The following MYBPC3 variants were observed in gnomAD, a reference collection of about 807,000 sequenced individuals.
MYBPC3 encodes myosin binding protein C3, also known as myosin-binding protein C, cardiac-type.
Under a neutral mutation model 159.3 loss-of-function variants are expected in MYBPC3, and 108 were observed. The observed-to-expected ratio is 0.68, with a 90% CI of 0.58 to 0.80. MYBPC3 has a LOEUF of 0.80. Among genes scored for constraint, MYBPC3 ranks in the 30% least tolerant of loss-of-function variants. The probability of loss-of-function intolerance (pLI) is 0.00; values close to 1 mark genes in which losing one functional copy is unlikely to be tolerated. For synonymous variants in MYBPC3, 730 were observed against 702.0 expected, an observed-to-expected ratio of 1.04 and a Z score of -0.63; for missense variants, 1,631 against 1,762.1, an observed-to-expected ratio of 0.93 and a Z score of 1.33.
chr11:47,350,057 A>C lies in MYBPC3; in HGVS notation c.462T>G (p.Ile154Met). The change falls in exon 4 of 35, where the codon ATT (isoleucine) becomes ATG (methionine). Residue 154 changes from isoleucine to methionine, a missense_variant. Transcript: ENST00000545968. Reference sequence around the variant, plus strand: ...CCTGTGGCCGCATCACGAAGAGGCCAATGGGGTCATCGGGGGCTCCAGGGG... The same window carrying C: ...CCTGTGGCCGCATCACGAAGAGGCCCATGGGGTCATCGGGGGCTCCAGGGG... Reference protein sequence around the residue: ...GPTPGAPDDPIGLFVMRPQDG... With the variant: ...GPTPGAPDDPMGLFVMRPQDG... The C allele has an allele frequency of 6.4e-7, 1 of 1,563,916 alleles. No homozygotes were observed. The highest frequency in any genetic ancestry group is 1.2e-5 in the South Asian group (1 of 84,852).
In MYBPC3 at chr11:47,337,813, A is replaced by T. The variant is rs1315834514; in HGVS notation, c.2309-19T>A. ...GGCACGTCTGGATGGGGTGGGATGG[A>T]CCCACATCAGCCCTGCCCCGCTCAG... On this transcript the variant is annotated intron_variant, in intron 23 of 34. Transcript: ENST00000545968. 2.6e-6 allele frequency: 4 copies of T among 1,546,814 alleles called. No homozygotes were observed. The African/African-American group carries it at 5.5e-5, about 21-fold the overall frequency.
Position 47,347,499 on chromosome 11 carries a change from G to C in MYBPC3, c.852-20C>G, listed in dbSNP as rs371941585. 13 of 1,593,008 alleles carry C rather than the reference G, an allele frequency of 8.2e-6. No homozygotes were observed. The African/African-American group carries it at 1.5e-4, about 18-fold the overall frequency. On this transcript the variant is annotated intron_variant, in intron 8 of 34. Coordinates refer to ENST00000545968, the MANE Select transcript of MYBPC3 (RefSeq NM_000256.3). ...CTATCACTATGGAGAGGGACCCCCA[G>C]TGAGGCTGCAGTGAGGGACTGGAAA...
chr11:47,336,617 C>A lies in MYBPC3; in HGVS notation c.2603-606G>T, dbSNP rs558214570. On this transcript the variant is annotated intron_variant, in intron 25 of 34. Transcript: ENST00000545968. ...AGGAATCAGTCCCTAAAACGAGAGG[C>A]CTGGACCCTTCTCCCCACAGGCCCC... Among the ~76,000 whole-genome samples, 4 of 152,236 alleles carry A rather than the reference C, an allele frequency of 2.6e-5. No individual in the cohort carries two copies. In the South Asian group the frequency reaches 8.3e-4, roughly 32 times the overall value.
In MYBPC3 at chr11:47,343,600, G is replaced by A. The variant is rs2095891415; in HGVS notation, c.1115C>T (p.Ala372Val). 1 of 1,612,504 alleles carries A rather than the reference G, an allele frequency of 6.2e-7. No homozygotes were observed. The highest frequency in any genetic ancestry group is 8.5e-7 in the Non-Finnish European group (1 of 1,179,546). The change falls in exon 13 of 35, where the codon GCC (alanine) becomes GTC (valine). Residue 372 changes from alanine (A) to valine (V), a missense_variant. Ala to Val is a moderately conservative substitution (Grantham distance 64). Transcript: ENST00000545968. ...STAFQKKLEP[A>V]YQVSKGHKIR... ...CTTGTGGCCTTTGCTCACCTGGTAG[G>A]CCGGCTCCAGCTTCTTCTGAAAGGC... is the stretch of plus-strand genomic sequence containing the variant.
chr11:47,340,574 G>A (rs1455136087), intron 20 of MYBPC3, among the ~76,000 whole-genome samples: 1 of 152,222 alleles, frequency 6.6e-6, no homozygotes, highest in Non-Finnish European at 1.5e-5. Flanking sequence ...GGCTGAGGCA[G>A]GAGAGTGGTG....
At chr11:47,339,195 C>T (rs2095885692) in intron 22 of MYBPC3, 129 bp downstream of exon 22, 3 of 992,800 alleles carry the variant, frequency 3.0e-6, no homozygotes, top group South Asian at 2.6e-5. Flanking sequence ...CACAGGGACC[C>T]TGCTGGGGGC....
Position 47,346,245 on chromosome 11 carries a change from C to T in MYBPC3, c.1052G>A (p.Arg351Lys). 1 of 1,613,926 alleles carries T rather than the reference C, an allele frequency of 6.2e-7. No individual in the cohort carries two copies. The highest frequency in any genetic ancestry group is 8.5e-7 in the Non-Finnish European group (1 of 1,179,848). The change falls in exon 12 of 35, where the codon AGG becomes AAG. Residue 351 changes from arginine to lysine, a missense_variant. Arg to Lys is a conservative substitution (Grantham distance 26). Coordinates refer to ENST00000545968, the MANE Select transcript of MYBPC3 (RefSeq NM_000256.3). The surrounding 1 kb of genome is among the most constrained non-coding windows in gnomAD (Gnocchi z 5.3). Reference sequence around the variant, plus strand: ...CTCATCGCGCCTCATGCCCTTGAGCCTCTTTAGCATGCCGCGCAGGTCAGT... The same window carrying T: ...CTCATCGCGCCTCATGCCCTTGAGCTTCTTTAGCATGCCGCGCAGGTCAGT... Reference protein sequence around the residue: ...GVTDLRGMLKRLKGMRRDEKK... With the variant: ...GVTDLRGMLKKLKGMRRDEKK...
Position 47,343,141 on chromosome 11 carries a change from T to G in MYBPC3, c.1231A>C (p.Ile411Leu), listed in dbSNP as rs1294930067. The G allele has an allele frequency of 1.9e-6, 3 of 1,610,712 alleles. No homozygotes were observed. Among genetic ancestry groups the G allele is most frequent in the Non-Finnish European group, 2.5e-6 (3 of 1,178,466 alleles). Residue 411 changes from isoleucine (I) to leucine (L), a missense_variant, in exon 15 of 35, where the codon ATC (isoleucine) becomes CTC (leucine). Transcript: ENST00000545968. ...CGCTTGGCACCGATGGACTCAAAGA[T>G]GTACCTGGGTGGGGGCCGCAGGGAA... The part of the protein sequence containing the change: ...QEIQMSGSKY[I>L]FESIGAKRTL...
rs762280284 is a variant in MYBPC3, at chr11:47,338,550, C to G, written c.2278G>C (p.Asp760His). 5.6e-6 allele frequency: 9 copies of G among 1,614,030 alleles called. No individual in the cohort carries two copies. In the South Asian group the frequency reaches 8.8e-5, roughly 16 times the overall value. Residue 760 changes from aspartate to histidine, a missense_variant, in exon 23 of 35, where the codon GAC (aspartate) becomes CAC (histidine). Coordinates refer to ENST00000545968, the MANE Select transcript of MYBPC3 (RefSeq NM_000256.3). The surrounding 1 kb of genome is among the most constrained non-coding windows in gnomAD (Gnocchi z 4.7). ...ACCTTGACTGTGAGGTTGACCTGGT[C>G]CTCGCCCACAGGGTTCTTCACTGTG... Reference protein sequence around the residue: ...TVTVKNPVGEDQVNLTVKVID... With the variant: ...TVTVKNPVGEHQVNLTVKVID...
rs727504259 is a variant in MYBPC3 at position 47,332,140 on chromosome 11, C to T, written c.3746G>A (p.Gly1249Asp). ...EIRKPCPFDG[G>D]IYVCRATNLQ... Reference sequence around the variant, plus strand: ...GTTGGTGGCCCTGCAGACATAGATGCCCCCGTCAAAGGGGCAGGGCTTTCT... The same window carrying T: ...GTTGGTGGCCCTGCAGACATAGATGTCCCCGTCAAAGGGGCAGGGCTTTCT... Residue 1249 changes from glycine to aspartate, a missense_variant, in exon 33 of 35, where the codon GGC (glycine) becomes GAC (aspartate). Coordinates refer to ENST00000545968, the MANE Select transcript of MYBPC3 (RefSeq NM_000256.3). The surrounding 1 kb of genome is among the most constrained non-coding windows in gnomAD (Gnocchi z 4.2). 3 of 1,613,622 alleles carry T rather than the reference C, an allele frequency of 1.9e-6. No homozygotes were observed. The highest frequency in any genetic ancestry group is 1.1e-5 in the South Asian group (1 of 91,096).
chr11:47,338,149 C>A lies in MYBPC3; in HGVS notation c.2309-355G>T, dbSNP rs1232244085. Among the ~76,000 whole-genome samples, 4 of 151,908 alleles carry A rather than the reference C, an allele frequency of 2.6e-5. No individual in the cohort carries two copies. In the East Asian group the frequency reaches 7.7e-4, roughly 29 times the overall value. On this transcript the variant is annotated intron_variant, in intron 23 of 34. Transcript: ENST00000545968. This position sits in a 1 kb window ranked among gnomAD's most constrained non-coding sequence, Gnocchi z 4.7. The stretch of plus-strand genomic sequence containing the variant: ...CTCCTGACATGTTTCATTCATTCTC[C>A]ACACCCAAAAGGCCCTTTCCCTCCT...
chr11:47,348,134 C>T (rs1489064089), intron 6 of MYBPC3, among the ~76,000 whole-genome samples: 1 of 152,186 alleles, frequency 6.6e-6, no homozygotes, highest in African/African-American at 2.4e-5. Context: ...AACTCACCTT[C>T]ACCCATCGCC....
chr11:47,342,751 G>A lies in MYBPC3; in HGVS notation c.1458-7C>T, dbSNP rs397515904. The A allele has an allele frequency of 2.7e-5, 43 of 1,613,450 alleles. No homozygotes were observed. The highest frequency in any genetic ancestry group is 6.7e-5 in the East Asian group (3 of 44,898). On this transcript the variant is annotated splice_polypyrimidine_tract_variant and splice_region_variant and intron_variant, in intron 16 of 34. Transcript: ENST00000545968. ...CTCCACCCCGTCCTTCAGCCTAGCC[G>A]GGTGGGTGGGTGGCAAGTGCTGTGG...
intron 27 of MYBPC3, among the ~76,000 whole-genome samples, chr11:47,334,809 T>C (rs1335392152): frequency 6.6e-6 from 1 of 152,200 alleles, no homozygotes; most frequent in Non-Finnish European, 1.5e-5. Context: ...GTGATCTGCC[T>C]GCCTTGGCCT....
In MYBPC3 at chr11:47,346,632, G is replaced by A. The variant is rs370632180; in HGVS notation, c.921C>T (p.Thr307=). ...SLLKKRDSFR[T]PRDSKLEAPA... Reference sequence around the variant, plus strand: ...GTGCTATGTTGGGCACTCACCTCGGGGTCCGGAAACTGCTGCTCCAGGGGT... The same window carrying A: ...GTGCTATGTTGGGCACTCACCTCGGAGTCCGGAAACTGCTGCTCCAGGGGT... Residue 307 remains threonine (T), a synonymous_variant, in exon 11 of 35, where the codon ACC becomes ACT. Coordinates refer to ENST00000545968, the MANE Select transcript of MYBPC3 (RefSeq NM_000256.3). The surrounding 1 kb of genome is among the most constrained non-coding windows in gnomAD (Gnocchi z 5.3). The A allele has an allele frequency of 6.3e-7, 1 of 1,596,650 alleles. No homozygotes were observed. The highest frequency in any genetic ancestry group is 8.5e-7 in the Non-Finnish European group (1 of 1,171,254).
At chr11:47,333,406 AC>A in intron 29 of MYBPC3, 73 bp from the exon 30 acceptor site, 7 of 1,495,304 alleles carry the variant, frequency 4.7e-6, no homozygotes, top group Non-Finnish European at 6.3e-6. Context: ...TCCAGGGACC[AC>A]CCCACCCCTG....
Position 47,350,579 on chromosome 11 carries a change from G to C in MYBPC3, c.329C>G (p.Pro110Arg), listed in dbSNP as rs1260856176. The C allele has an allele frequency of 6.6e-7, 1 of 1,523,130 alleles. No homozygotes were observed. Among genetic ancestry groups the C allele is most frequent in the African/African-American group, 1.4e-5 (1 of 70,262 alleles). 94.4% of individuals were successfully genotyped at this position (1,523,130 alleles called of 1,614,324 possible). A position where few individuals can be genotyped will look rare whatever the true frequency, so the allele number is the denominator to read the frequency against. The change falls in exon 3 of 35, where the codon CCT becomes CGT. Residue 110 changes from proline (P) to arginine (R), a missense_variant. By Grantham distance (103) the Pro-to-Arg change is moderately radical. Transcript: ENST00000545968. ...AEPMLAPAPAPAEATGAPGEA... is the reference protein window; with the variant it reads ...AEPMLAPAPARAEATGAPGEA... ...TCCAGGGGCTCCAGTGGCCTCAGCAGGGGCAGGGGCAGGGGCCAGCATGGG... is the reference window on the plus strand; with the variant it reads ...TCCAGGGGCTCCAGTGGCCTCAGCACGGGCAGGGGCAGGGGCCAGCATGGG...
intron 17 of MYBPC3, 35 bp from the exon 18 acceptor site, chr11:47,342,191 G>GGTGTGT: frequency 6.2e-7 from 1 of 1,604,126 alleles, no homozygotes; most frequent in Non-Finnish European, 8.5e-7. Flanking sequence ...AGCTCGGGAG[G>GGTGTGT]GTGTGTGGGT....
chr11:47,342,463 C>A, intron 17 of MYBPC3, 115 bp downstream of exon 17: 1 of 1,299,500 alleles, frequency 7.7e-7, no homozygotes, highest in Non-Finnish European at 1.0e-6. Flanking sequence ...TGTCAAAGGC[C>A]CAAGGTCACA....
Sources: gnomAD v4.1 joint callset for allele counts (sites outside exome capture counted in the v4.1 genomes callset) on GRCh38, gnomAD v4.1.1 for gene constraint, Gnocchi (gnomAD v3.1) non-coding constraint, MANE v1.5 for transcripts, NCBI Gene and HGNC (gene_info 2026-07-23, HGNC 2026-07-21) for gene names.